The following GRHL2 variants were observed in gnomAD, a reference collection of about 807,000 sequenced individuals.
GRHL2 encodes the protein grainyhead-like protein 2 homolog.
A neutral mutation model predicts 83.8 loss-of-function variants in GRHL2; 21 were observed. The ratio of observed to expected loss-of-function variants is 0.25; its 90% CI spans 0.18 to 0.36. The LOEUF (loss-of-function observed/expected upper bound fraction) is 0.36, where lower values mean the gene tolerates loss of function less well. Ranked by LOEUF, GRHL2 falls within the 10% of genes least tolerant of loss-of-function variation. The pLI, the probability that GRHL2 is intolerant of heterozygous loss-of-function variation, is 1.00. For missense variants in GRHL2, 623 were observed against 781.8 expected (o/e 0.80, Z 2.42); for synonymous variants, 280 against 278.9 (o/e 1.00, Z -0.04).
intron 1 of GRHL2, among the ~76,000 whole-genome samples, chr8:101,515,569 G>A (rs774053495): frequency 2.0e-5 from 3 of 152,208 alleles, no homozygotes; most frequent in Non-Finnish European, 4.4e-5. Flanking sequence ...TCATGTTTCA[G>A]TGAGAGGCAG....
chr8:101,561,450 C>G (rs1401922193), intron 4 of GRHL2, among the ~76,000 whole-genome samples: 2 of 152,168 alleles, frequency 1.3e-5, no homozygotes, highest in African/African-American at 2.4e-5. Context: ...AACTACCTAT[C>G]AGAAGGGTTA....
chr8:101,678,681 T>C, the GRHL2 span, among the ~76,000 whole-genome samples: 4 of 151,296 alleles, frequency 2.6e-5, no homozygotes, highest in African/African-American at 4.8e-5. Flanking sequence ...TAAATGTCCC[T>C]GTCTGACAGC....
intron 4 of GRHL2, among the ~76,000 whole-genome samples, chr8:101,559,462 G>A (rs1158070455): frequency 2.0e-5 from 3 of 151,804 alleles, no homozygotes; most frequent in Non-Finnish European, 4.4e-5. Context: ...CCCGGGAGGC[G>A]GAGGTTGCAG....
At chr8:101,509,170 CTTT>C (rs775024339) in intron 1 of GRHL2, among the ~76,000 whole-genome samples, 1 of 69,748 alleles carries the variant, frequency 1.4e-5, no homozygotes, top group Non-Finnish European at 3.5e-5. Context: ...TTCTTTCTTT[CTTT>C]TTCTTTCTTT....
intron 4 of GRHL2, among the ~76,000 whole-genome samples, chr8:101,559,510 A>G (rs1417990129): frequency 6.6e-6 from 1 of 152,194 alleles, no homozygotes; most frequent in Non-Finnish European, 1.5e-5. Context: ...AGCCTGGGTG[A>G]CAAGAACGAA....
intron 1 of GRHL2, among the ~76,000 whole-genome samples, chr8:101,531,209 C>T (rs1024618652): frequency 1.5e-5 from 2 of 129,078 alleles, no homozygotes; most frequent in African/African-American, 5.9e-5. Context: ...GAGGACAGAG[C>T]AAGACCTTAT....
rs762760702 is a variant in GRHL2, at chr8:101,644,202, T to C, written c.1589T>C (p.Met530Thr). ...TTTGGTCCAGTGCCTTCAAAGCAGA[T>C]GAAAGAAGAAGGGACAAAGCGAGGT... ...EEFGPVPSKQ[M>T]KEEGTKRVLL... The change falls in exon 13 of 16, where the codon ATG (methionine) becomes ACG (threonine). Residue 530 changes from methionine to threonine, a missense_variant. By Grantham distance (81) the Met-to-Thr change is moderately conservative. This residue lies in a region of GRHL2 where 210 missense variants were observed against 254.8 expected (regional missense o/e 0.82). Transcript: ENST00000646743. 3 of 1,614,042 alleles carry C rather than the reference T, an allele frequency of 1.9e-6. No individual in the cohort carries two copies. In the South Asian group the frequency reaches 3.3e-5, roughly 18 times the overall value.
At chr8:101,649,160 A>G (rs1467327474) in intron 13 of GRHL2, among the ~76,000 whole-genome samples, 1 of 152,194 alleles carries the variant, frequency 6.6e-6, no homozygotes, top group Non-Finnish European at 1.5e-5. Context: ...CAATGGGAAC[A>G]TTTGTGTCAA....
chr8:101,568,438 C>T (rs1010506863), intron 4 of GRHL2, among the ~76,000 whole-genome samples: 5 of 152,218 alleles, frequency 3.3e-5, no homozygotes, highest in South Asian at 2.1e-4. Context: ...AGGGTCAGAG[C>T]GAAGCTCACC....
chr8:101,587,159 A>G (rs142335998), intron 7 of GRHL2, among the ~76,000 whole-genome samples: 290 of 152,260 alleles, frequency 1.9e-3, no homozygotes, highest in Non-Finnish European at 2.8e-3. Flanking sequence ...TCCCTTCGTC[A>G]TTTTCCTTCA....
chr8:101,652,674 C>T (rs1172029194), intron 14 of GRHL2, among the ~76,000 whole-genome samples: 1 of 150,436 alleles, frequency 6.6e-6, no homozygotes, highest in Non-Finnish European at 1.5e-5. Flanking sequence ...TGGGCTTGGC[C>T]TCAGAAAACC....
In GRHL2 at chr8:101,652,546, T is replaced by G. The variant is rs866304332; in HGVS notation, c.1698+3047T>G. 4.6e-4 allele frequency among the ~76,000 whole-genome samples: 26 copies of G among 56,514 alleles called. 3 individuals are homozygous for G. The highest frequency in any genetic ancestry group is 3.9e-3 in the African/African-American group (24 of 6,178). The allele number at this position is 56,514 out of a possible 152,430, so 37.1% of individuals were successfully genotyped here. On this transcript the variant is annotated intron_variant, in intron 14 of 15. Transcript: ENST00000646743. ...GGTGTGTGTGTGGTGTGTGTGTGTGTGGTGTGTATGTGTGGTGGTGTGTGT... is the reference window on the plus strand; with the variant it reads ...GGTGTGTGTGTGGTGTGTGTGTGTGGGGTGTGTATGTGTGGTGGTGTGTGT...
At chr8:101,653,495 G>A (rs1380306866) in intron 14 of GRHL2, among the ~76,000 whole-genome samples, 1 of 152,028 alleles carries the variant, frequency 6.6e-6, no homozygotes, top group East Asian at 1.9e-4. Context: ...AATCACCTGG[G>A]GTACCTTTCA....
chr8:101,538,085 C>T (rs1175985708), intron 1 of GRHL2, among the ~76,000 whole-genome samples: 3 of 152,170 alleles, frequency 2.0e-5, no homozygotes, highest in South Asian at 2.1e-4. Flanking sequence ...ACATGCATTG[C>T]GTGACGGGCA....
At chr8:101,523,108 C>T (rs1810725087) in intron 1 of GRHL2, among the ~76,000 whole-genome samples, 1 of 151,866 alleles carries the variant, frequency 6.6e-6, no homozygotes, top group Non-Finnish European at 1.5e-5. Flanking sequence ...AGATGGGTTT[C>T]ACCACATTGC....
At position 101,652,388 on chromosome 8, in the gene GRHL2, T is replaced by TGTGTGTGTG. The variant is rs1563626927; in HGVS notation, c.1698+2890_1698+2898dup. Reference sequence around the variant, plus strand: ...GTGTGTGTCTGATGTGTGTGTGGTGTGTGTGTGTGTCTGGTGTGTGTGTGG... The same window carrying TGTGTGTGTG: ...GTGTGTGTCTGATGTGTGTGTGGTGTGTGTGTGTGGTGTGTGTGTCTGGTGTGTGTGTGG... On this transcript the variant is annotated intron_variant, in intron 14 of 15. Transcript: ENST00000646743. Among the ~76,000 whole-genome samples, 18 of 53,404 alleles carry TGTGTGTGTG rather than the reference T, an allele frequency of 3.4e-4. 1 individual carries two copies. The highest frequency in any genetic ancestry group is 2.3e-3 in the African/African-American group (18 of 7,968). 35.0% of individuals were successfully genotyped at this position (53,404 alleles called of 152,430 possible).
intron 1 of GRHL2, among the ~76,000 whole-genome samples, chr8:101,523,701 A>C (rs764804727): frequency 6.6e-6 from 1 of 151,786 alleles, no homozygotes; most frequent in South Asian, 2.1e-4. Flanking sequence ...TTGGTCTTGA[A>C]TTCCTGGGCT....
downstream of GRHL2, among the ~76,000 whole-genome samples, chr8:101,673,474 A>G (rs1454374773): frequency 1.3e-5 from 2 of 148,786 alleles, no homozygotes; most frequent in African/African-American, 5.0e-5. Context: ...TATAATGGTA[A>G]AGGGATCAAT....
chr8:101,637,033 C>G (rs1586161515), intron 12 of GRHL2, 105 bp downstream of exon 12: 1 of 995,426 alleles, frequency 1.0e-6, no homozygotes. Flanking sequence ...AAACCCTCCT[C>G]TCACCTCAGG....
Sources: allele counts gnomAD v4.1 joint callset (sites outside exome capture counted in the v4.1 genomes callset), GRCh38; gene constraint gnomAD v4.1.1; regional missense constraint gnomAD v4.1.1; transcripts MANE v1.5; gene names NCBI Gene and HGNC (gene_info 2026-07-23, HGNC 2026-07-21).